The following CIB1 variants were observed in gnomAD, a reference collection of about 807,000 sequenced individuals.
The protein encoded by CIB1 is calcium and integrin-binding protein 1.
CIB1 carries 19 observed loss-of-function variants against 25.0 expected under a neutral mutation model. The ratio of observed to expected loss-of-function variants is 0.76; its 90% CI spans 0.53 to 1.12. The LOEUF is 1.12. CIB1 is among the 50% of genes most tolerant of loss of function. The pLI is 0.00. For synonymous variants in CIB1, 104 were observed against 98.5 expected (o/e 1.06, Z -0.33); for missense variants, 236 against 242.6 (o/e 0.97, Z 0.18).
the CIB1 span, among the ~76,000 whole-genome samples, chr15:90,260,681 T>A: frequency 6.6e-6 from 1 of 151,658 alleles, no homozygotes; most frequent in Non-Finnish European, 1.5e-5. Flanking sequence ...TGAAACCCCA[T>A]CTCTACTAAA....
At chr15:90,235,455 A>C (rs1327595924), upstream of CIB1, among the ~76,000 whole-genome samples, 1 of 152,188 alleles carries the variant, frequency 6.6e-6, no homozygotes, top group African/African-American at 2.4e-5. Context: ...TGGAGGTTGC[A>C]GTGAGCGGAG....
At chr15:90,239,305 ATGTGTG>A in the CIB1 span, among the ~76,000 whole-genome samples, 4,070 of 147,916 alleles carry the variant, frequency 0.028, 167 homozygotes, top group African/African-American at 0.091. Context: ...GAGACATAAA[ATGTGTG>A]TGTGTGTGTG....
the CIB1 span, among the ~76,000 whole-genome samples, chr15:90,239,963 C>T: frequency 6.6e-6 from 1 of 151,888 alleles, no homozygotes; most frequent in Non-Finnish European, 1.5e-5. Flanking sequence ...GTGGCTCACA[C>T]CTGTAATCCC....
the CIB1 span, chr15:90,251,016 G>T: frequency 1.7e-5 from 22 of 1,258,728 alleles, no homozygotes; most frequent in African/African-American, 3.2e-4. Flanking sequence ...GGAAATGCTG[G>T]AGTGTCATTA....
the CIB1 span, chr15:90,263,657 G>T: frequency 1.7e-6 from 1 of 605,822 alleles, no homozygotes; most frequent in South Asian, 2.0e-5. Context: ...GCCTAGAAGA[G>T]ATTTTTTTCA....
chr15:90,236,365 A>G (rs1447421993), upstream of CIB1, among the ~76,000 whole-genome samples: 1 of 152,172 alleles, frequency 6.6e-6, no homozygotes, highest in Admixed American at 6.5e-5. Context: ...TGAAGACATG[A>G]GAGTCAGCTT....
chr15:90,252,577 G>T, the CIB1 span, among the ~76,000 whole-genome samples: 1 of 152,186 alleles, frequency 6.6e-6, no homozygotes, highest in Non-Finnish European at 1.5e-5. Context: ...ACAATCTCCA[G>T]CTAGGTCCTT....
chr15:90,265,149 TG>T, the CIB1 span: 1 of 1,238,076 alleles, frequency 8.1e-7, no homozygotes, highest in Non-Finnish European at 1.1e-6. Flanking sequence ...TAAGATTAAT[TG>T]GGGATCGGTA....
At chr15:90,265,424 G>A in the CIB1 span, 8 of 1,289,176 alleles carry the variant, frequency 6.2e-6, no homozygotes, top group Admixed American at 4.0e-5. Flanking sequence ...CTGGGGCGGA[G>A]GGACGGCTCT....
At chr15:90,241,144 G>T in the CIB1 span, 1 of 1,614,104 alleles carries the variant, frequency 6.2e-7, no homozygotes, top group Non-Finnish European at 8.5e-7. Flanking sequence ...TTTCGCTACC[G>T]TCTACGGGAG....
At chr15:90,254,261 G>A in the CIB1 span, among the ~76,000 whole-genome samples, 3 of 150,986 alleles carry the variant, frequency 2.0e-5, no homozygotes, top group Admixed American at 6.6e-5. Flanking sequence ...TTGGGAGGCC[G>A]AGGCGGGCGG....
At chr15:90,257,729 C>A in the CIB1 span, 2 of 1,613,278 alleles carry the variant, frequency 1.2e-6, no homozygotes, top group Non-Finnish European at 1.7e-6. Flanking sequence ...AGAGGTACTC[C>A]CTACTCTGTT....
chr15:90,242,431 C>CTTTTTTTTTTTTTTTTTTTTTTTT, the CIB1 span: 1 of 65,510 alleles, frequency 1.5e-5, no homozygotes. Context: ...TTTTCTGTTT[C>CTTTTTTTTTTTTTTTTTTTTTTTT]TTTTTTTTTT....
chr15:90,236,322 C>G (rs1476950881), upstream of CIB1: 1 of 152,244 alleles, frequency 6.6e-6, no homozygotes, highest in African/African-American at 2.4e-5. Flanking sequence ...CAGGCGTGCG[C>G]CACTGCACCC....
the CIB1 span, chr15:90,242,061 C>G: frequency 2.5e-6 from 4 of 1,598,324 alleles, no homozygotes; most frequent in Admixed American, 7.1e-5. Context: ...CCAGGAAGAG[C>G]AATAATACTT....
chr15:90,247,166 G>A, the CIB1 span, among the ~76,000 whole-genome samples: 1 of 148,354 alleles, frequency 6.7e-6, no homozygotes, highest in African/African-American at 2.6e-5. Context: ...AGTAGAGACA[G>A]GGTTTCACCA....
the CIB1 span, chr15:90,244,534 G>A: frequency 6.6e-6 from 1 of 152,160 alleles, no homozygotes; most frequent in Non-Finnish European, 1.5e-5. Flanking sequence ...AGTAAAAGAA[G>A]TCTTGGGTTG....
intron 4 of CIB1, 37 bp from the exon 5 acceptor site, chr15:90,231,250 G>A (rs1255609793): frequency 1.2e-6 from 2 of 1,611,578 alleles, no homozygotes; most frequent in African/African-American, 2.7e-5. Flanking sequence ...AGACACGGTT[G>A]GGAGGGGCTC....
chr15:90,251,600 CA>C, the CIB1 span: 1 of 1,613,832 alleles, frequency 6.2e-7, no homozygotes, highest in Non-Finnish European at 8.5e-7. Context: ...GAGTGGTAAG[CA>C]CCCAGCCCGT....
Sources: allele counts gnomAD v4.1 joint callset (sites outside exome capture counted in the v4.1 genomes callset), GRCh38; gene constraint gnomAD v4.1.1; transcripts MANE v1.5; gene names NCBI Gene and HGNC (gene_info 2026-07-23, HGNC 2026-07-21).